Variants in TBC1D10A observed in about 807,000 individuals in gnomAD.
TBC1D10A encodes EBP50-PDX interactor of 64 kDa.
In TBC1D10A, 24 loss-of-function variants were observed where a neutral mutation model predicts 52.9. The observed-to-expected ratio is 0.45, with a 90% CI of 0.33 to 0.64. The LOEUF (loss-of-function observed/expected upper bound fraction) is 0.64. TBC1D10A is among the 30% of genes least tolerant of loss of function. The pLI is 0.02. For missense variants in TBC1D10A, 602 were observed against 687.9 expected (o/e 0.88, Z 1.40); for synonymous variants, 278 against 282.9 (o/e 0.98, Z 0.17).
At chr22:30,326,241 T>G (rs1206010410) in intron 1 of TBC1D10A, among the ~76,000 whole-genome samples, 3 of 103,260 alleles carry the variant, frequency 2.9e-5, no homozygotes, top group African/African-American at 1.2e-4. Flanking sequence ...TCTGTGGGTT[T>G]GTGGGAGGGG....
intron 2 of TBC1D10A, among the ~76,000 whole-genome samples, chr22:30,302,647 G>A (rs923335929): frequency 6.6e-6 from 1 of 152,256 alleles, no homozygotes; most frequent in Admixed American, 6.5e-5. Flanking sequence ...CTGGGCTGGA[G>A]AGAAGCAGTG....
intron 8 of TBC1D10A, 139 bp downstream of exon 8, chr22:30,293,512 A>C: frequency 1.6e-6 from 2 of 1,256,664 alleles, no homozygotes; most frequent in Non-Finnish European, 2.2e-6. Context: ...GATGAGGTCC[A>C]CCCACATGTT....
At chr22:30,302,560 C>T (rs1569160740) in intron 2 of TBC1D10A, among the ~76,000 whole-genome samples, 1 of 152,230 alleles carries the variant, frequency 6.6e-6, no homozygotes, top group Non-Finnish European at 1.5e-5. Flanking sequence ...CAAGCCTCCA[C>T]AGGCAGGAAG....
At chr22:30,293,172 C>T in intron 8 of TBC1D10A, 1 of 638,652 alleles carries the variant, frequency 1.6e-6, no homozygotes, top group Non-Finnish European at 3.0e-6. Flanking sequence ...TCACCCACCG[C>T]TGCCCAGGGC....
chr22:30,292,265 C>G lies in TBC1D10A; in HGVS notation c.*110G>C. 1.0e-6 allele frequency: 1 copy of G among 989,808 alleles called. No homozygotes were observed. The highest frequency in any genetic ancestry group is 1.5e-6 in the Non-Finnish European group (1 of 679,350). The allele number at this position is 989,808 out of a possible 1,614,324, so 61.3% of individuals were successfully genotyped here. A position where few individuals can be genotyped will look rare whatever the true frequency, so the allele number is the denominator to read the frequency against. On this transcript the variant is annotated 3_prime_UTR_variant, in exon 9 of 9. Transcript: ENST00000215790. ...TTGGACCAGCCAGACTCCAGCCCAG[C>G]CCAGTGGCCAGGCAGCTTGGCCCTC... is the stretch of plus-strand genomic sequence containing the variant.
chr22:30,292,396 C>T lies in TBC1D10A; in HGVS notation c.1506G>A (p.Glu502=). The T allele has an allele frequency of 2.6e-6, 4 of 1,567,050 alleles. No individual in the cohort carries two copies. The South Asian group carries it at 4.8e-5, about 19-fold the overall frequency. ...HRSQESLTSQ[E]SEDTYL ...AGGGTTACAAGTAGGTGTCCTCACT[C>T]TCTTGGGACGTCAAGCTCTCCTGGG... Residue 502 remains glutamate, a synonymous_variant, in exon 9 of 9, where the codon GAG becomes GAA. Transcript: ENST00000215790.
intron 4 of TBC1D10A, 22 bp downstream of exon 4, chr22:30,295,715 T>C (rs1468518463): frequency 6.2e-7 from 1 of 1,612,778 alleles, no homozygotes; most frequent in South Asian, 1.1e-5. Context: ...ACCTCCCACC[T>C]CATGAGGCCC....
chr22:30,308,316 A>ATGCCTGCCTGCCTGCC (rs1464829862), intron 1 of TBC1D10A, among the ~76,000 whole-genome samples: 7 of 130,288 alleles, frequency 5.4e-5, no homozygotes, highest in African/African-American at 1.7e-4. Context: ...GCCTGCCTGC[A>ATGCCTGCCTGCCTGCC]TGCCTGCATG....
At chr22:30,294,896 G>A (rs1569158949) in intron 5 of TBC1D10A, 35 bp from the exon 6 acceptor site, 1 of 1,614,102 alleles carries the variant, frequency 6.2e-7, no homozygotes, top group East Asian at 2.2e-5. Flanking sequence ...CTTGCCGTTG[G>A]GGGTTCCCCA....
intron 1 of TBC1D10A, among the ~76,000 whole-genome samples, chr22:30,320,270 AG>A (rs1930625686): frequency 1.3e-5 from 2 of 152,112 alleles, no homozygotes; most frequent in Admixed American, 1.3e-4. Context: ...GACCTCTCCA[AG>A]GATTTTCCTC....
At chr22:30,295,250 G>A (rs943617567) in intron 4 of TBC1D10A, among the ~76,000 whole-genome samples, 195 bp from the exon 5 acceptor site, 3 of 152,210 alleles carry the variant, frequency 2.0e-5, no homozygotes, top group East Asian at 1.9e-4. Context: ...GGAAGGAGGT[G>A]GGGAAGGTCT....
At chr22:30,304,475 C>T (rs996452875) in intron 2 of TBC1D10A, 56 bp downstream of exon 2, 1 of 1,609,942 alleles carries the variant, frequency 6.2e-7, no homozygotes, top group African/African-American at 1.3e-5. Flanking sequence ...CTCCCTCTTC[C>T]TCCTCCTCCC....
chr22:30,303,918 G>A (rs376771520), intron 2 of TBC1D10A, among the ~76,000 whole-genome samples: 6 of 152,322 alleles, frequency 3.9e-5, no homozygotes, highest in African/African-American at 7.2e-5. Context: ...TTTCATTTTC[G>A]TAAGACTATC....
At chr22:30,314,695 G>A (rs751636332) in intron 1 of TBC1D10A, among the ~76,000 whole-genome samples, 10 of 151,756 alleles carry the variant, frequency 6.6e-5, no homozygotes, top group South Asian at 2.1e-4. Context: ...GTCTGTAGTC[G>A]TAGCTACTCA....
At chr22:30,313,048 G>A (rs1930457349) in intron 1 of TBC1D10A, among the ~76,000 whole-genome samples, 1 of 152,206 alleles carries the variant, frequency 6.6e-6, no homozygotes, top group Admixed American at 6.5e-5. Flanking sequence ...CTTTAAAGGG[G>A]AATTGACTTT....
chr22:30,321,519 CA>C (rs1930652306), intron 1 of TBC1D10A, among the ~76,000 whole-genome samples: 1 of 152,216 alleles, frequency 6.6e-6, no homozygotes, highest in Non-Finnish European at 1.5e-5. Flanking sequence ...CTATGATTTC[CA>C]AAGTTGGCTA....
chr22:30,297,450 C>T lies in TBC1D10A; in HGVS notation c.418-1607G>A, dbSNP rs1930105772. 6.6e-6 allele frequency: 1 copy of T among 152,210 alleles called. No homozygotes were observed. The highest frequency in any genetic ancestry group is 1.5e-5 in the Non-Finnish European group (1 of 68,062). The allele number at this position is 152,210 out of a possible 1,614,324, so 9.4% of individuals were successfully genotyped here. On this transcript the variant is annotated intron_variant, in intron 3 of 8. Coordinates refer to ENST00000215790, the MANE Select transcript of TBC1D10A (RefSeq NM_031937.3). The surrounding 1 kb of genome is among the most constrained non-coding windows in gnomAD (Gnocchi z 4.3). ...CAGTTCCTAGGATGTGTTCATCTGGCACTTCAGCAGCCTAAGGCACTTGGC... is the reference window on the plus strand; with the variant it reads ...CAGTTCCTAGGATGTGTTCATCTGGTACTTCAGCAGCCTAAGGCACTTGGC...
rs1057238152 is a variant in TBC1D10A at position 30,292,756 on chromosome 22, G to C, written c.1146C>G (p.Arg382=). 5.6e-6 allele frequency: 9 copies of C among 1,612,034 alleles called. No individual in the cohort carries two copies. Among genetic ancestry groups the C allele is most frequent in the Middle Eastern group, 1.8e-4 (1 of 5,652 alleles). Residue 382 remains arginine, a synonymous_variant, in exon 9 of 9, where the codon CGC becomes CGG. Coordinates refer to ENST00000215790, the MANE Select transcript of TBC1D10A (RefSeq NM_031937.3). Reference sequence around the variant, plus strand: ...TGGCACCATGCAGCCTGGGCGGGGAGCGGCACTGCAGCTCACCCCGGGTCT... The same window carrying C: ...TGGCACCATGCAGCCTGGGCGGGGACCGGCACTGCAGCTCACCCCGGGTCT... ...WQETRGELQC[R]SPPRLHGAKA...
In TBC1D10A at chr22:30,294,073, A is replaced by G; in HGVS notation, c.743T>C (p.Leu248Pro). Reference sequence around the variant, plus strand: ...GGCCACCGGCGACACCTTCTGCAACAGCGAGAAAAGGATCTCCCCGTCCAG... The same window carrying G: ...GGCCACCGGCGACACCTTCTGCAACGGCGAGAAAAGGATCTCCCCGTCCAG... ...IQLDGEILFS[L>P]LQKVSPVAHK... is the part of the protein sequence containing the mutation. Residue 248 changes from leucine to proline, a missense_variant, in exon 7 of 9, where the codon CTG (leucine) becomes CCG (proline). Around this residue, in one of 3 missense-constraint regions of TBC1D10A, gnomAD observed 136 missense variants for 208.4 expected, o/e 0.65. Coordinates refer to ENST00000215790, the MANE Select transcript of TBC1D10A (RefSeq NM_031937.3). 6.2e-7 allele frequency: 1 copy of G among 1,614,090 alleles called. No individual in the cohort carries two copies. The highest frequency in any genetic ancestry group is 8.5e-7 in the Non-Finnish European group (1 of 1,180,022).
Sources: gnomAD v4.1 joint callset for allele counts (sites outside exome capture counted in the v4.1 genomes callset) on GRCh38, gnomAD v4.1.1 for gene constraint, gnomAD v4.1.1 regional missense constraint, Gnocchi (gnomAD v3.1) non-coding constraint, MANE v1.5 for transcripts, NCBI Gene and HGNC (gene_info 2026-07-23, HGNC 2026-07-21) for gene names.